TBC1D4: variants seen among roughly 807,000 people sequenced by gnomAD.
The protein encoded by TBC1D4 is TBC (Tre-2, BUB2, CDC16) domain-containing protein.
TBC1D4 carries 121 observed loss-of-function variants against 142.5 expected under a neutral mutation model. The observed-to-expected ratio is 0.85, with a 90% CI of 0.73 to 0.99. The LOEUF (loss-of-function observed/expected upper bound fraction) is 0.99. TBC1D4 is among the 50% of genes least tolerant of loss of function. The pLI is 0.00. For synonymous variants in TBC1D4, 630 were observed against 628.2 expected (o/e 1.00, Z -0.04); for missense variants, 1,475 against 1,606.6 (o/e 0.92, Z 1.40).
intron 1 of TBC1D4, among the ~76,000 whole-genome samples, chr13:75,381,413 G>C (rs776793392): frequency 3.7e-4 from 56 of 152,196 alleles, no homozygotes; most frequent in Admixed American, 1.6e-3. Flanking sequence ...AAATTGTAAG[G>C]GGTAATATAT....
At chr13:75,337,816 C>A (rs1195552417) in intron 7 of TBC1D4, among the ~76,000 whole-genome samples, 1 of 152,086 alleles carries the variant, frequency 6.6e-6, no homozygotes, top group Non-Finnish European at 1.5e-5. Flanking sequence ...TTCCCCAGAA[C>A]TGGGGATGCT....
chr13:75,400,534 T>C lies in TBC1D4; in HGVS notation c.499-37927A>G, dbSNP rs184889089. On this transcript the variant is annotated intron_variant, in intron 1 of 20. Coordinates refer to ENST00000377636, the MANE Select transcript of TBC1D4 (RefSeq NM_014832.5). ...GGGCAGTGGCGTGACCTCAGCTCAC[T>C]GCAACCTCCACCTCCTGGGTTCAAG... Among the ~76,000 whole-genome samples, 365 of 151,582 alleles carry C rather than the reference T, an allele frequency of 2.4e-3. 8 individuals are homozygous for C. The highest frequency in any genetic ancestry group is 0.021 in the Admixed American group (317 of 15,224).
At chr13:75,457,788 G>A (rs1157223132) in intron 1 of TBC1D4, among the ~76,000 whole-genome samples, 1 of 152,120 alleles carries the variant, frequency 6.6e-6, no homozygotes, top group African/African-American at 2.4e-5. Flanking sequence ...AATCTCTGTT[G>A]TCCAACAAGC....
chr13:75,475,725 C>G (rs1888605837), intron 1 of TBC1D4, among the ~76,000 whole-genome samples: 1 of 152,234 alleles, frequency 6.6e-6, no homozygotes, highest in Non-Finnish European at 1.5e-5. Context: ...TGAACAGTCT[C>G]TGCCTTACTG....
intron 17 of TBC1D4, 93 bp downstream of exon 17, chr13:75,299,237 C>T: frequency 2.5e-6 from 4 of 1,593,400 alleles, no homozygotes; most frequent in Non-Finnish European, 3.4e-6. Context: ...AATGGCTCTA[C>T]ATTTCTTTAA....
intron 1 of TBC1D4, among the ~76,000 whole-genome samples, chr13:75,384,104 AT>A (rs35370430): frequency 7.4e-3 from 134 of 18,090 alleles, no homozygotes; most frequent in South Asian, 0.026. Flanking sequence ...ATAAAAAAAA[AT>A]AATAATAATA....
At chr13:75,349,622 T>G (rs969721079) in intron 4 of TBC1D4, among the ~76,000 whole-genome samples, 5 of 152,240 alleles carry the variant, frequency 3.3e-5, no homozygotes, top group Non-Finnish European at 5.9e-5. Flanking sequence ...TCTGTTTAAT[T>G]ATATGCTTTA....
At chr13:75,301,150 A>G (rs1353536638) in intron 16 of TBC1D4, among the ~76,000 whole-genome samples, 1 of 152,190 alleles carries the variant, frequency 6.6e-6, no homozygotes, top group Non-Finnish European at 1.5e-5. Flanking sequence ...AAATGGGCCC[A>G]AATAACATAT....
At chr13:75,375,773 C>CCGA (rs61021889) in intron 1 of TBC1D4, 1 of 133,734 alleles carries the variant, frequency 7.5e-6, no homozygotes, top group African/African-American at 2.9e-5. Flanking sequence ...CCCACCCCCC[C>CCGA]CACACACACA....
At chr13:75,341,836 G>A (rs548959236) in intron 5 of TBC1D4, among the ~76,000 whole-genome samples, 7 of 152,310 alleles carry the variant, frequency 4.6e-5, no homozygotes, top group Admixed American at 1.3e-4. Flanking sequence ...ACAACGGGCC[G>A]GGCACAGTGG....
intron 17 of TBC1D4, among the ~76,000 whole-genome samples, chr13:75,297,120 G>A (rs1449866442): frequency 1.3e-5 from 2 of 152,088 alleles, no homozygotes; most frequent in African/African-American, 2.4e-5. Context: ...CCAATACTGC[G>A]GCCTACAGCA....
chr13:75,367,037 A>C, intron 1 of TBC1D4: 1 of 952,970 alleles, frequency 1.0e-6, no homozygotes, highest in Non-Finnish European at 1.2e-6. Context: ...CGGTATTTTC[A>C]TTGTATTTAT....
At chr13:75,397,819 C>T (rs780088903) in intron 1 of TBC1D4, among the ~76,000 whole-genome samples, 7 of 152,118 alleles carry the variant, frequency 4.6e-5, no homozygotes, top group African/African-American at 7.2e-5. Context: ...ACAAATTATT[C>T]GTAGTTTTCC....
At position 75,286,953 on chromosome 13, in the gene TBC1D4, A is replaced by G. The variant is rs1305560775; in HGVS notation, c.3736T>C (p.Ser1246Pro). The change falls in exon 21 of 21, where the codon TCT becomes CCT. Residue 1246 changes from serine to proline, a missense_variant. Around this residue, in one of 2 missense-constraint regions of TBC1D4, gnomAD observed 248 missense variants for 338.9 expected, o/e 0.73. Transcript: ENST00000377636. ...TCTTGTTCCAGGGTCCGGATTAAAG[A>G]CTTCATTTTGGTCTCTCTCGTCAAA... ...NLLTRETKMK[S>P]LIRTLEQEKM... 2 of 1,613,890 alleles carry G rather than the reference A, an allele frequency of 1.2e-6. No homozygotes were observed. The highest frequency in any genetic ancestry group is 1.7e-5 in the Admixed American group (1 of 59,956).
intron 4 of TBC1D4, among the ~76,000 whole-genome samples, chr13:75,354,101 G>A (rs1423077286): frequency 7.2e-5 from 11 of 152,208 alleles, no homozygotes; most frequent in Non-Finnish European, 7.3e-5. Flanking sequence ...TTTGTGGTCT[G>A]ACCCAGAGAA....
At chr13:75,444,294 C>CGGCT (rs1158706894) in intron 1 of TBC1D4, among the ~76,000 whole-genome samples, 1 of 152,036 alleles carries the variant, frequency 6.6e-6, no homozygotes, top group Non-Finnish European at 1.5e-5. Flanking sequence ...CCACCATGCT[C>CGGCT]GGCTCATTGA....
intron 1 of TBC1D4, among the ~76,000 whole-genome samples, chr13:75,462,795 C>G (rs958834299): frequency 2.0e-5 from 3 of 152,062 alleles, no homozygotes; most frequent in Non-Finnish European, 4.4e-5. Context: ...CACGACCCTC[C>G]TTGGCTCATC....
intron 12 of TBC1D4, 51 bp from the exon 13 acceptor site, chr13:75,312,949 G>T (rs767566397): frequency 6.2e-7 from 1 of 1,601,752 alleles, no homozygotes; most frequent in Non-Finnish European, 8.5e-7. Context: ...GCACATCATG[G>T]CACTTCACAA....
intron 12 of TBC1D4, among the ~76,000 whole-genome samples, chr13:75,315,425 C>CAT (rs984133210): frequency 9.3e-4 from 17 of 18,280 alleles, no homozygotes; most frequent in Non-Finnish European, 2.4e-3. Context: ...TATACACACA[C>CAT]ATATATATAT....
Sources: gnomAD v4.1 joint callset for allele counts (sites outside exome capture counted in the v4.1 genomes callset) on GRCh38, gnomAD v4.1.1 for gene constraint, gnomAD v4.1.1 regional missense constraint, MANE v1.5 for transcripts, NCBI Gene and HGNC (gene_info 2026-07-23, HGNC 2026-07-21) for gene names.